Variants in MRTFA observed in about 807,000 individuals in gnomAD.
MRTFA encodes the protein myocardin related transcription factor A, also known as myocardin-related transcription factor A.
In MRTFA, 20 loss-of-function variants were observed where a neutral mutation model predicts 83.5. The ratio of observed to expected loss-of-function variants is 0.24; its 90% CI spans 0.17 to 0.35. The LOEUF (loss-of-function observed/expected upper bound fraction) is 0.35. Ranked by LOEUF, MRTFA falls within the 10% of genes least tolerant of loss-of-function variation. MRTFA has a pLI of 1.00. For synonymous variants in MRTFA, 659 were observed against 541.2 expected, an observed-to-expected ratio of 1.22 and a Z score of -3.02; for missense variants, 1,200 against 1,224.7, an observed-to-expected ratio of 0.98 and a Z score of 0.30.
intron 3 of MRTFA, chr22:40,526,711 C>G (rs1338112542): frequency 6.6e-6 from 1 of 152,188 alleles, no homozygotes; most frequent in Non-Finnish European, 1.5e-5. Flanking sequence ...CCATCTCTTA[C>G]TGTGTGTCCT....
In MRTFA at chr22:40,429,627, T is replaced by C; in HGVS notation, c.580A>G (p.Ser194Gly). The change falls in exon 7 of 15, where the codon AGC becomes GGC. Residue 194 changes from serine (S) to glycine (G), a missense_variant. Ser to Gly is a moderately conservative substitution (Grantham distance 56). Around this residue, in one of 2 missense-constraint regions of MRTFA, gnomAD observed 93 missense variants for 182.9 expected, o/e 0.51. Coordinates refer to ENST00000355630, the MANE Select transcript of MRTFA (RefSeq NM_020831.6). ...TCACCAATGATGGCTTCCTTCAGGC[T>C]GGACTCAACAGGAAGGATGTTCTTC... The C allele has an allele frequency of 6.2e-7, 1 of 1,614,164 alleles. No individual in the cohort carries two copies. Among genetic ancestry groups the C allele is most frequent in the Non-Finnish European group, 8.5e-7 (1 of 1,180,028 alleles).
chr22:40,424,475 G>GGCCCACA, intron 7 of MRTFA, 94 bp from the exon 8 acceptor site: 1 of 1,349,622 alleles, frequency 7.4e-7, no homozygotes, highest in Non-Finnish European at 1.0e-6. Flanking sequence ...CAGAGTGCCT[G>GGCCCACA]GCCCACAGCC....
At chr22:40,607,503 CAAA>C (rs369102921) in intron 1 of MRTFA, among the ~76,000 whole-genome samples, 5 of 102,062 alleles carry the variant, frequency 4.9e-5, no homozygotes, top group Admixed American at 2.1e-4. Flanking sequence ...GACTCCGTCT[CAAA>C]AAAAAAAAAA....
intron 1 of MRTFA, among the ~76,000 whole-genome samples, chr22:40,621,284 G>C (rs1010722754): frequency 6.6e-6 from 1 of 152,128 alleles, no homozygotes; most frequent in Admixed American, 6.5e-5. Flanking sequence ...TCTTTCAGCC[G>C]TAAAAAGAAA....
rs187258382 is a variant in MRTFA, at chr22:40,597,296, C to T, written c.-83-2561G>A. Among the ~76,000 whole-genome samples the T allele has an allele frequency of 8.9e-4, 135 of 152,310 alleles. 1 individual carries two copies. The Middle Eastern group carries it at 0.02, about 23-fold the overall frequency. On this transcript the variant is annotated intron_variant, in intron 1 of 14. Coordinates refer to ENST00000355630, the MANE Select transcript of MRTFA (RefSeq NM_020831.6). ...AAGCTAGTGTACTTCTACATTCTCA[C>T]GAATACGTCTGCTACGTAATTACAC...
chr22:40,528,264 G>A lies in MRTFA; in HGVS notation c.241+23842C>T, dbSNP rs374690261. Among the ~76,000 whole-genome samples the A allele has an allele frequency of 4.6e-5, 7 of 152,256 alleles. No homozygotes were observed. In the South Asian group the frequency reaches 8.3e-4, roughly 18 times the overall value. On this transcript the variant is annotated intron_variant, in intron 3 of 14. Coordinates refer to ENST00000355630, the MANE Select transcript of MRTFA (RefSeq NM_020831.6). Reference sequence around the variant, plus strand: ...TAAGATGTGAGTCATTCTGAGTAGTGACAGAATCCTGCAATGGAAAAGCCC... The same window carrying A: ...TAAGATGTGAGTCATTCTGAGTAGTAACAGAATCCTGCAATGGAAAAGCCC...
chr22:40,617,184 A>G lies in MRTFA; in HGVS notation c.-84+19294T>C, dbSNP rs187418901. Among the ~76,000 whole-genome samples the G allele has an allele frequency of 6.7e-3, 371 of 55,524 alleles. 6 individuals are homozygous for G. Among genetic ancestry groups the G allele is most frequent in the Middle Eastern group, 0.018 (1 of 56 alleles). 36.4% of individuals were successfully genotyped at this position (55,524 alleles called of 152,430 possible). On this transcript the variant is annotated intron_variant, in intron 1 of 14. Transcript: ENST00000355630. ...AAGGAGGGAAGGAGGGAAGGAGGGA[A>G]GGAGGGAGGGAGGGAGGGAGGGAGG...
intron 3 of MRTFA, among the ~76,000 whole-genome samples, chr22:40,514,284 A>G (rs2054719366): frequency 6.6e-6 from 1 of 151,928 alleles, no homozygotes; most frequent in Admixed American, 6.6e-5. Context: ...AAATAAATAA[A>G]TAATAAAAGT....
rs1181215772 is a variant in MRTFA, at chr22:40,476,155, A to AGG, written c.242-12871_242-12870dup. 1.9e-3 allele frequency among the ~76,000 whole-genome samples: 276 copies of AGG among 144,932 alleles called. 3 individuals are homozygous for AGG. The highest frequency in any genetic ancestry group is 6.8e-3 in the African/African-American group (268 of 39,642). On this transcript the variant is annotated intron_variant, in intron 3 of 14. Transcript: ENST00000355630. ...CAAGACTCCGTCTCAAAAAAAAAAAAGGGGGGGGGTCTTGAAAGTATTTTA... is the reference window on the plus strand; with the variant it reads ...CAAGACTCCGTCTCAAAAAAAAAAAAGGGGGGGGGGGTCTTGAAAGTATTTTA...
chr22:40,617,736 AAAG>A (rs1414868730), intron 1 of MRTFA, among the ~76,000 whole-genome samples: 10 of 151,798 alleles, frequency 6.6e-5, no homozygotes, highest in Admixed American at 2.6e-4. Flanking sequence ...CAAAAAAAAA[AAAG>A]AAAAAAAAAG....
At chr22:40,522,971 T>G (rs2054895976) in intron 3 of MRTFA, 1 of 152,186 alleles carries the variant, frequency 6.6e-6, no homozygotes, top group Non-Finnish European at 1.5e-5. Context: ...TATATGATCT[T>G]GGGTAAGTCA....
chr22:40,589,898 T>C (rs2056093593), intron 2 of MRTFA, among the ~76,000 whole-genome samples: 1 of 151,930 alleles, frequency 6.6e-6, no homozygotes, highest in Non-Finnish European at 1.5e-5. Flanking sequence ...GGCACACACC[T>C]GTAATCCCAG....
At chr22:40,600,421 G>A (rs1318466546) in intron 1 of MRTFA, among the ~76,000 whole-genome samples, 1 of 152,162 alleles carries the variant, frequency 6.6e-6, no homozygotes, top group African/African-American at 2.4e-5. Flanking sequence ...GATTATCGGT[G>A]TGATGTGCAT....
At chr22:40,595,270 A>G (rs924252091) in intron 1 of MRTFA, among the ~76,000 whole-genome samples, 1 of 151,694 alleles carries the variant, frequency 6.6e-6, no homozygotes, top group Non-Finnish European at 1.5e-5. Flanking sequence ...ACAGGTGTGC[A>G]CCATTACGTC....
chr22:40,539,013 G>A (rs111226240), intron 3 of MRTFA, among the ~76,000 whole-genome samples: 1 of 17,796 alleles, frequency 5.6e-5, no homozygotes, highest in Non-Finnish European at 1.2e-4. Context: ...TTTTTTTTTT[G>A]AGACAAAGTC....
intron 3 of MRTFA, among the ~76,000 whole-genome samples, chr22:40,538,363 A>AAGGC (rs1295897695): frequency 1.4e-5 from 2 of 147,616 alleles, no homozygotes; most frequent in East Asian, 3.9e-4. Flanking sequence ...CAGATGCTTG[A>AAGGC]AGGCAGCATG....
intron 2 of MRTFA, among the ~76,000 whole-genome samples, chr22:40,568,792 C>G (rs2055742636): frequency 1.3e-5 from 2 of 152,148 alleles, no homozygotes; most frequent in South Asian, 4.1e-4. Flanking sequence ...CACACAGCAG[C>G]ACTAGTCAGC....
At chr22:40,413,119 C>CA (rs1308958050) in intron 14 of MRTFA, among the ~76,000 whole-genome samples, 2 of 103,246 alleles carry the variant, frequency 1.9e-5, no homozygotes, top group African/African-American at 3.9e-5. Context: ...CACTGGGAAA[C>CA]AGAGTGACAC....
At chr22:40,536,470 GC>G (rs2055178418) in intron 3 of MRTFA, among the ~76,000 whole-genome samples, 1 of 145,594 alleles carries the variant, frequency 6.9e-6, no homozygotes, top group Non-Finnish European at 1.5e-5. Flanking sequence ...GCAAGGAGCA[GC>G]CGCCTGCCTT....
Sources: allele counts gnomAD v4.1 joint callset (sites outside exome capture counted in the v4.1 genomes callset), GRCh38; gene constraint gnomAD v4.1.1; regional missense constraint gnomAD v4.1.1; transcripts MANE v1.5; gene names NCBI Gene and HGNC (gene_info 2026-07-23, HGNC 2026-07-21).